Variants in PNPLA7 observed in about 807,000 individuals in gnomAD.
PNPLA7 encodes patatin like domain 7, lysophospholipase, also known as patatin-like phospholipase domain-containing protein 7.
PNPLA7 carries 153 observed loss-of-function variants against 161.7 expected under a neutral mutation model. The ratio of observed to expected loss-of-function variants is 0.95; its 90% CI spans 0.83 to 1.08. The LOEUF is 1.08. Among genes scored for constraint, PNPLA7 ranks in the 50% least tolerant of loss-of-function variants. The pLI is 0.00. For missense variants in PNPLA7, 1,739 were observed against 1,856.6 expected (o/e 0.94, Z 1.16); for synonymous variants, 809 against 782.1 (o/e 1.03, Z -0.57).
chr9:137,460,356 C>T lies in PNPLA7; in HGVS notation c.*37G>A, dbSNP rs772785233. The T allele has an allele frequency of 3.2e-6, 5 of 1,583,254 alleles. No individual in the cohort carries two copies. Among genetic ancestry groups the T allele is most frequent in the South Asian group, 1.1e-5 (1 of 89,254 alleles). ...AGCCTCAGCCTTGGGGACAGTCCCACGGAAGACGCTGCATCCGGGCTCTTT... is the reference window on the plus strand; with the variant it reads ...AGCCTCAGCCTTGGGGACAGTCCCATGGAAGACGCTGCATCCGGGCTCTTT... On this transcript the variant is annotated 3_prime_UTR_variant, in exon 35 of 35. Coordinates refer to ENST00000406427, the MANE Select transcript of PNPLA7 (RefSeq NM_001098537.3).
chr9:137,500,954 G>C lies in PNPLA7; in HGVS notation c.1552-58C>G. 1 of 1,482,778 alleles carries C rather than the reference G, an allele frequency of 6.7e-7. No homozygotes were observed. The highest frequency in any genetic ancestry group is 9.1e-7 in the Non-Finnish European group (1 of 1,103,602). The allele number at this position is 1,482,778 out of a possible 1,614,324, so 91.9% of individuals were successfully genotyped here. On this transcript the variant is annotated intron_variant, in intron 15 of 34. Transcript: ENST00000406427. The surrounding 1 kb of genome is among the most constrained non-coding windows in gnomAD (Gnocchi z 5.5). ...AGTGGCCGCGGGCAGGACGGGGGCA[G>C]CTCTGGGCCCAGAGCGGACGATGCC...
chr9:137,460,943 C>T (rs1831156607), intron 33 of PNPLA7: 1 of 563,298 alleles, frequency 1.8e-6, no homozygotes, highest in Non-Finnish European at 3.2e-6. Flanking sequence ...CAGCACATCA[C>T]TTCGTGGGTC....
At chr9:137,503,119 T>A (rs1362699899) in intron 14 of PNPLA7, among the ~76,000 whole-genome samples, 1 of 152,044 alleles carries the variant, frequency 6.6e-6, no homozygotes, top group Non-Finnish European at 1.5e-5. Context: ...CAGTGGCTCA[T>A]GCCTGTAATC....
chr9:137,541,820 C>T lies in PNPLA7; in HGVS notation c.666+822G>A, dbSNP rs1324571904. ...TTTTTGAGACAGGGTCTCGCTCTGT[C>T]GCCCAGGCTGGAGTGCAGTGGCGTG... On this transcript the variant is annotated intron_variant, in intron 7 of 34. Coordinates refer to ENST00000406427, the MANE Select transcript of PNPLA7 (RefSeq NM_001098537.3). This position sits in a 1 kb window ranked among gnomAD's most constrained non-coding sequence, Gnocchi z 4.4. Among the ~76,000 whole-genome samples the T allele has an allele frequency of 6.6e-5, 10 of 151,962 alleles. No individual in the cohort carries two copies. The highest frequency in any genetic ancestry group is 2.0e-4 in the Admixed American group (3 of 15,252).
At position 137,479,163 on chromosome 9, in the gene PNPLA7, C is replaced by G. The variant is rs1177491522; in HGVS notation, c.2656G>C (p.Ala886Pro). 5 of 1,571,718 alleles carry G rather than the reference C, an allele frequency of 3.2e-6. No homozygotes were observed. Among genetic ancestry groups the G allele is most frequent in the Non-Finnish European group, 1.7e-6 (2 of 1,159,644 alleles). The change falls in exon 24 of 35, where the codon GCG (alanine) becomes CCG (proline). Residue 886 changes from alanine (A) to proline (P), a missense_variant. Ala to Pro is a conservative substitution (Grantham distance 27). Coordinates refer to ENST00000406427, the MANE Select transcript of PNPLA7 (RefSeq NM_001098537.3). ...LILLHREEGP[A>P]PARTVEWLNM... The stretch of plus-strand genomic sequence containing the variant: ...AGCCACTCCACGGTGCGCGCTGGCG[C>G]CGGGCCCTCCTCCCTGTGCAGCAGG...
intron 25 of PNPLA7, among the ~76,000 whole-genome samples, chr9:137,473,309 C>CAGGATAGAATAGA (rs1564287294): frequency 2.8e-4 from 42 of 152,262 alleles, no homozygotes; most frequent in African/African-American, 1.0e-3. Context: ...CCACCTCACA[C>CAGGATAGAATAGA]CAGTCATGAA....
At chr9:137,536,084 C>A (rs1183946101) in intron 8 of PNPLA7, among the ~76,000 whole-genome samples, 3 of 150,084 alleles carry the variant, frequency 2.0e-5, no homozygotes, top group African/African-American at 7.4e-5. Flanking sequence ...ACCCAGGAGG[C>A]GGAGCTTGCA....
At chr9:137,473,234 G>T (rs1469064077) in intron 25 of PNPLA7, among the ~76,000 whole-genome samples, 1 of 152,162 alleles carries the variant, frequency 6.6e-6, no homozygotes, top group Non-Finnish European at 1.5e-5. Flanking sequence ...GGTGAGATTT[G>T]GGTGGGGACA....
chr9:137,497,180 C>T lies in PNPLA7; in HGVS notation c.2013+7G>A. On this transcript the variant is annotated splice_region_variant and intron_variant, in intron 18 of 34. Transcript: ENST00000406427. ...TGGGGGAGGCAGGAGCAGGGCCCAGCACCTACCACGCCGACGAGGTCTCCT... is the reference window on the plus strand; with the variant it reads ...TGGGGGAGGCAGGAGCAGGGCCCAGTACCTACCACGCCGACGAGGTCTCCT... 6.4e-7 allele frequency: 1 copy of T among 1,568,140 alleles called. No homozygotes were observed. The highest frequency in any genetic ancestry group is 8.6e-7 in the Non-Finnish European group (1 of 1,158,638).
chr9:137,494,978 C>A lies in PNPLA7; in HGVS notation c.2127+55G>T. ...CGCTCCGCCCTCACCTGTTCCATGCCCTCATCCACTCCACACCCTCATCCG... is the reference window on the plus strand; with the variant it reads ...CGCTCCGCCCTCACCTGTTCCATGCACTCATCCACTCCACACCCTCATCCG... On this transcript the variant is annotated intron_variant, in intron 19 of 34. Coordinates refer to ENST00000406427, the MANE Select transcript of PNPLA7 (RefSeq NM_001098537.3). 5 of 1,481,864 alleles carry A rather than the reference C, an allele frequency of 3.4e-6. No individual in the cohort carries two copies. In the South Asian group the frequency reaches 4.8e-5, roughly 14 times the overall value. 91.8% of individuals were successfully genotyped at this position (1,481,864 alleles called of 1,614,324 possible).
rs1385152505 is a variant in PNPLA7 at position 137,514,337 on chromosome 9, G to C, written c.1225+1042C>G. Among the ~76,000 whole-genome samples the C allele has an allele frequency of 5.0e-4, 72 of 145,230 alleles. 2 individuals carry two copies. The highest frequency in any genetic ancestry group is 3.0e-3 in the Admixed American group (44 of 14,856). ...CTGACTGTTGAGGTGCCCGGGCCCC[G>C]TGGCCGGGCTGCGGGCGGGTCACCC... On this transcript the variant is annotated intron_variant, in intron 12 of 34. Coordinates refer to ENST00000406427, the MANE Select transcript of PNPLA7 (RefSeq NM_001098537.3).
Position 137,521,687 on chromosome 9 carries a change from G to T in PNPLA7, c.906C>A (p.Thr302=), listed in dbSNP as rs529910014. The part of the protein sequence containing the change: ...QIIMVRLQRV[T]FLALHNYLGL... The stretch of plus-strand genomic sequence containing the variant: ...CGAGGTAGTTGTGCAGAGCCAGAAA[G>T]GTCACCCTCTGCAGCCGCACCATGA... Residue 302 remains threonine, a synonymous_variant, in exon 10 of 35, where the codon ACC becomes ACA. Coordinates refer to ENST00000406427, the MANE Select transcript of PNPLA7 (RefSeq NM_001098537.3). The T allele has an allele frequency of 3.1e-6, 5 of 1,611,552 alleles. No individual in the cohort carries two copies. The highest frequency in any genetic ancestry group is 4.2e-6 in the Non-Finnish European group (5 of 1,179,792).
chr9:137,487,364 G>T (rs1389757405), intron 20 of PNPLA7, among the ~76,000 whole-genome samples: 1 of 152,260 alleles, frequency 6.6e-6, no homozygotes, highest in Non-Finnish European at 1.5e-5. Flanking sequence ...CAAAGTGCCG[G>T]CCTGGAGTGC....
rs1832094966 is a variant in PNPLA7, at chr9:137,479,367, C to T, written c.2581-129G>A. ...GCAGCTCCTGGGTTCTGCAAAGCAA[C>T]TTGGCTGTGGCCTGGTCTGCCTTGG... On this transcript the variant is annotated intron_variant, in intron 23 of 34. Coordinates refer to ENST00000406427, the MANE Select transcript of PNPLA7 (RefSeq NM_001098537.3). 3.0e-6 allele frequency: 4 copies of T among 1,354,880 alleles called. No homozygotes were observed. The South Asian group carries it at 7.7e-5, about 26-fold the overall frequency. The allele number at this position is 1,354,880 out of a possible 1,614,324, so 83.9% of individuals were successfully genotyped here. A position where few individuals can be genotyped will look rare whatever the true frequency, so the allele number is the denominator to read the frequency against.
At chr9:137,542,343 C>T (rs996382933) in intron 7 of PNPLA7, among the ~76,000 whole-genome samples, 2 of 152,054 alleles carry the variant, frequency 1.3e-5, no homozygotes, top group Non-Finnish European at 2.9e-5. Context: ...TGGTGACATA[C>T]ACCTGTAATC....
At chr9:137,535,185 T>G (rs573529477) in intron 8 of PNPLA7, among the ~76,000 whole-genome samples, 1 of 152,376 alleles carries the variant, frequency 6.6e-6, no homozygotes, top group South Asian at 2.1e-4. Flanking sequence ...GTGTGCTTTT[T>G]GTTGCTGGCC....
rs375185516 is a variant in PNPLA7 at position 137,515,515 on chromosome 9, G to A, written c.1089C>T (p.His363=). Residue 363 remains histidine (H), a synonymous_variant, in exon 12 of 35, where the codon CAC becomes CAT. Transcript: ENST00000406427. ...CAGCAGCTGCCGGGCGGCCGCCCCC[G>A]TGATCTGCTGGGGAGGCAGCCGTAA... The part of the protein sequence containing the change: ...PRLQESCDSD[H]GGGRPAAAGP... 723 of 1,551,618 alleles carry A rather than the reference G, an allele frequency of 4.7e-4. 4 individuals are homozygous for A. The Middle Eastern group carries it at 6.5e-3, about 14-fold the overall frequency.
chr9:137,480,808 G>C, intron 22 of PNPLA7, 152 bp downstream of exon 22: 1 of 922,274 alleles, frequency 1.1e-6, no homozygotes, highest in Non-Finnish European at 1.7e-6. Context: ...AGTGTGTCCA[G>C]TGAAGGGAGT....
At chr9:137,527,945 G>C (rs1166477469) in intron 8 of PNPLA7, among the ~76,000 whole-genome samples, 1 of 152,240 alleles carries the variant, frequency 6.6e-6, no homozygotes, top group Non-Finnish European at 1.5e-5. Flanking sequence ...TAGCCATTCA[G>C]ATAATCTATA....
Sources: allele counts gnomAD v4.1 joint callset (sites outside exome capture counted in the v4.1 genomes callset), GRCh38; gene constraint gnomAD v4.1.1; non-coding constraint Gnocchi (gnomAD v3.1); transcripts MANE v1.5; gene names NCBI Gene and HGNC (gene_info 2026-07-23, HGNC 2026-07-21).